The following COBL variants were observed in gnomAD, a reference collection of about 807,000 sequenced individuals.
COBL encodes the protein protein cordon-bleu.
Under a neutral mutation model 98.8 loss-of-function variants are expected in COBL, and 51 were observed. The ratio of observed to expected loss-of-function variants is 0.52; its 90% CI spans 0.41 to 0.65. COBL has a LOEUF of 0.65. Among genes scored for constraint, COBL ranks in the 30% least tolerant of loss-of-function variants. COBL has a pLI of 0.00. For missense variants in COBL, 1,617 were observed against 1,617.5 expected, an observed-to-expected ratio of 1.00 and a Z score of 0.01; for synonymous variants, 634 against 651.7, an observed-to-expected ratio of 0.97 and a Z score of 0.41.
chr7:51,241,447 C>T (rs976619037), intron 1 of COBL, among the ~76,000 whole-genome samples: 5 of 152,198 alleles, frequency 3.3e-5, no homozygotes, highest in Non-Finnish European at 5.9e-5. Context: ...CTGGTCCCCT[C>T]GGAAGGCCTG....
intron 2 of COBL, among the ~76,000 whole-genome samples, chr7:51,203,036 G>C (rs113012784): frequency 6.6e-6 from 1 of 151,496 alleles, no homozygotes; most frequent in African/African-American, 2.4e-5. Flanking sequence ...GCGAGACTCT[G>C]TCTGGAAAAA....
rs550927810 is a variant in COBL at position 51,061,573 on chromosome 7, G to C, written c.1097-17881C>G. Among the ~76,000 whole-genome samples the C allele has an allele frequency of 7.6e-4, 116 of 152,214 alleles. No individual in the cohort carries two copies. In the Middle Eastern group the frequency reaches 0.02, roughly 27 times the overall value. On this transcript the variant is annotated intron_variant, in intron 7 of 12. Transcript: ENST00000265136. The stretch of plus-strand genomic sequence containing the variant: ...GTGAATTTGCAATGGCTAAGCAAGG[G>C]GTGTTCGGGTACGTGGTGAAACGTT...
intron 1 of COBL, among the ~76,000 whole-genome samples, chr7:51,287,168 G>A (rs1417415688): frequency 6.6e-6 from 1 of 152,136 alleles, no homozygotes; most frequent in Non-Finnish European, 1.5e-5. Flanking sequence ...AATAGGATCA[G>A]CCATTCCCCA....
At chr7:51,233,179 T>C (rs1444116872) in intron 1 of COBL, among the ~76,000 whole-genome samples, 1 of 152,244 alleles carries the variant, frequency 6.6e-6, no homozygotes, top group African/African-American at 2.4e-5. Flanking sequence ...TTATGTATAG[T>C]GACAGAAAAC....
intron 1 of COBL, among the ~76,000 whole-genome samples, chr7:51,238,680 C>A (rs1001553638): frequency 3.3e-5 from 5 of 152,272 alleles, no homozygotes; most frequent in African/African-American, 9.6e-5. Flanking sequence ...TTACTCAAGG[C>A]TTCAGTGCAG....
intron 7 of COBL, among the ~76,000 whole-genome samples, chr7:51,056,969 G>C (rs1381200653): frequency 6.6e-6 from 1 of 152,138 alleles, no homozygotes; most frequent in Non-Finnish European, 1.5e-5. Flanking sequence ...GGTCAGTTTT[G>C]AATCACGTGT....
At chr7:51,193,632 A>G (rs1790330895) in intron 2 of COBL, 43 bp from the exon 3 acceptor site, 1 of 1,564,748 alleles carries the variant, frequency 6.4e-7, no homozygotes. Flanking sequence ...GAATGACTGC[A>G]CTCTCTCTTT....
intron 1 of COBL, among the ~76,000 whole-genome samples, chr7:51,235,910 G>A (rs141800626): frequency 2.6e-4 from 39 of 152,048 alleles, no homozygotes; most frequent in African/African-American, 8.9e-4. Context: ...CATTCACACA[G>A]TCCACCTTCT....
intron 6 of COBL, among the ~76,000 whole-genome samples, chr7:51,086,129 T>C (rs1794214517): frequency 6.6e-6 from 1 of 152,172 alleles, no homozygotes; most frequent in African/African-American, 2.4e-5. Flanking sequence ...CGAAAGTTTT[T>C]ATTCGTTCAC....
At chr7:51,234,187 A>C (rs569397835) in intron 1 of COBL, among the ~76,000 whole-genome samples, 1 of 152,324 alleles carries the variant, frequency 6.6e-6, no homozygotes, top group South Asian at 2.1e-4. Context: ...CCTCATCGTG[A>C]ACTGTCTCTC....
At chr7:51,222,191 A>AT (rs1348729892) in intron 1 of COBL, among the ~76,000 whole-genome samples, 2 of 117,800 alleles carry the variant, frequency 1.7e-5, no homozygotes, top group Admixed American at 1.0e-4. Flanking sequence ...CTCCGTCTCA[A>AT]AAATAATAAT....
intron 1 of COBL, among the ~76,000 whole-genome samples, chr7:51,246,729 G>A (rs544749074): frequency 6.6e-6 from 1 of 152,240 alleles, no homozygotes; most frequent in Admixed American, 6.5e-5. Context: ...TCCTTGATTT[G>A]TAGATTCTAT....
chr7:51,258,865 T>C (rs1283386045), intron 1 of COBL, among the ~76,000 whole-genome samples: 1 of 152,206 alleles, frequency 6.6e-6, no homozygotes, highest in Admixed American at 6.5e-5. Context: ...ACTCAACATC[T>C]TTAAGCTTAT....
At chr7:51,036,023 T>C (rs1028804363) in intron 8 of COBL, 1 of 152,196 alleles carries the variant, frequency 6.6e-6, no homozygotes, top group African/African-American at 2.4e-5. Flanking sequence ...TACCAAATTC[T>C]GCGGATGCTC....
At chr7:51,020,658 TG>T (rs1293993132) in intron 12 of COBL, among the ~76,000 whole-genome samples, 1 of 151,876 alleles carries the variant, frequency 6.6e-6, no homozygotes, top group Non-Finnish European at 1.5e-5. Flanking sequence ...GCACTGAGTG[TG>T]GGGTGGGGGC....
At chr7:51,081,050 G>A (rs1225887769) in intron 7 of COBL, among the ~76,000 whole-genome samples, 1 of 152,234 alleles carries the variant, frequency 6.6e-6, no homozygotes, top group Non-Finnish European at 1.5e-5. Flanking sequence ...AAAGCTCCGA[G>A]ATGCTTGAAC....
chr7:51,201,403 AT>A (rs1276344916), intron 2 of COBL, among the ~76,000 whole-genome samples: 1 of 152,186 alleles, frequency 6.6e-6, no homozygotes, highest in African/African-American at 2.4e-5. Flanking sequence ...CCCAATAGTT[AT>A]AAATATTAAT....
intron 5 of COBL, 100 bp from the exon 6 acceptor site, chr7:51,136,431 G>T: frequency 8.1e-7 from 1 of 1,241,184 alleles, no homozygotes; most frequent in Non-Finnish European, 1.1e-6. Flanking sequence ...GTCCACCTGA[G>T]CTTGAACGGC....
intron 7 of COBL, chr7:51,073,337 G>C: frequency 1.4e-6 from 1 of 696,576 alleles, no homozygotes; most frequent in Non-Finnish European, 2.6e-6. Context: ...GAAGAGGCCC[G>C]TCCATCAGAA....
Sources: gnomAD v4.1 joint callset for allele counts (sites outside exome capture counted in the v4.1 genomes callset) on GRCh38, gnomAD v4.1.1 for gene constraint, MANE v1.5 for transcripts, NCBI Gene and HGNC (gene_info 2026-07-23, HGNC 2026-07-21) for gene names.